Variants in ARHGAP10 observed in about 807,000 individuals in gnomAD.
ARHGAP10 encodes the protein Rho GTPase activating protein 10.
In ARHGAP10, 87 loss-of-function variants were observed where a neutral mutation model predicts 108.6. That is an observed-to-expected ratio of 0.80 (90% CI 0.67 to 0.96). The LOEUF (loss-of-function observed/expected upper bound fraction) is 0.96, where lower values mean the gene tolerates loss of function less well. Among genes scored for constraint, ARHGAP10 ranks in the 40% least tolerant of loss-of-function variants. The pLI is 0.00. For missense variants in ARHGAP10, 939 were observed against 954.5 expected, an observed-to-expected ratio of 0.98 and a Z score of 0.21; for synonymous variants, 347 against 341.1, an observed-to-expected ratio of 1.02 and a Z score of -0.19.
At chr4:147,965,577 T>C (rs564011696) in intron 17 of ARHGAP10, among the ~76,000 whole-genome samples, 1 of 152,342 alleles carries the variant, frequency 6.6e-6, no homozygotes, top group African/African-American at 2.4e-5. Flanking sequence ...AATTAGCCCT[T>C]TCTTTAAGTA....
intron 5 of ARHGAP10, among the ~76,000 whole-genome samples, chr4:147,859,273 C>CTT (rs34375248): frequency 8.1e-5 from 11 of 135,292 alleles, no homozygotes; most frequent in Non-Finnish European, 1.3e-4. Flanking sequence ...TTTCATATTC[C>CTT]TTTTTTTTTT....
At chr4:147,782,861 A>G (rs933558529) in intron 1 of ARHGAP10, among the ~76,000 whole-genome samples, 1 of 145,538 alleles carries the variant, frequency 6.9e-6, no homozygotes, top group Non-Finnish European at 1.5e-5. Context: ...TTTCATATAT[A>G]TATAAAAACA....
chr4:147,735,084 C>CT (rs1347673820), intron 1 of ARHGAP10, among the ~76,000 whole-genome samples: 1 of 152,078 alleles, frequency 6.6e-6, no homozygotes, highest in Non-Finnish European at 1.5e-5. Context: ...GTTTTGAGGC[C>CT]TATGCGACCT....
At chr4:148,000,211 A>G (rs1740649549) in intron 18 of ARHGAP10, among the ~76,000 whole-genome samples, 1 of 152,026 alleles carries the variant, frequency 6.6e-6, no homozygotes, top group South Asian at 2.1e-4. Flanking sequence ...GTTTGCTGAG[A>G]AGGATGGTTT....
chr4:147,921,397 T>A (rs749971483), intron 13 of ARHGAP10, among the ~76,000 whole-genome samples: 1 of 152,198 alleles, frequency 6.6e-6, no homozygotes, highest in Non-Finnish European at 1.5e-5. Flanking sequence ...TGGGTCTCTC[T>A]GCTTTAGACG....
At chr4:147,807,642 T>A (rs753779000) in intron 1 of ARHGAP10, among the ~76,000 whole-genome samples, 1 of 152,106 alleles carries the variant, frequency 6.6e-6, no homozygotes, top group Non-Finnish European at 1.5e-5. Flanking sequence ...AGGAAAATAT[T>A]TGAAACCAAA....
intron 15 of ARHGAP10, among the ~76,000 whole-genome samples, chr4:147,949,490 G>A (rs1738513027): frequency 6.6e-6 from 1 of 152,170 alleles, no homozygotes; most frequent in Non-Finnish European, 1.5e-5. Flanking sequence ...TTTCACCATT[G>A]CTGGTTTGCA....
At chr4:147,735,176 C>T (rs377162523) in intron 1 of ARHGAP10, among the ~76,000 whole-genome samples, 4 of 152,112 alleles carry the variant, frequency 2.6e-5, no homozygotes, top group African/African-American at 4.8e-5. Context: ...GAATTAGATA[C>T]GGATTTATAA....
chr4:147,846,357 G>A (rs79964283), intron 3 of ARHGAP10, among the ~76,000 whole-genome samples: 9,626 of 152,124 alleles, frequency 0.063, 969 homozygotes, highest in African/African-American at 0.21. Flanking sequence ...ATAGTGTTTC[G>A]AGATTTTCTT....
intron 10 of ARHGAP10, among the ~76,000 whole-genome samples, chr4:147,886,763 GTTTTCT>G (rs1196177927): frequency 2.6e-5 from 4 of 152,162 alleles, no homozygotes; most frequent in South Asian, 2.1e-4. Flanking sequence ...ATCATACTGT[GTTTTCT>G]TTTTCTTTTT....
chr4:147,936,317 C>T (rs1187235648), intron 13 of ARHGAP10, among the ~76,000 whole-genome samples: 4 of 97,852 alleles, frequency 4.1e-5, no homozygotes, highest in African/African-American at 4.1e-5. Context: ...CTTTTCCTCT[C>T]TTTTTTTTTT....
intron 8 of ARHGAP10, 29 bp downstream of exon 8, chr4:147,875,179 G>T (rs1388664639): frequency 6.5e-7 from 1 of 1,532,530 alleles, no homozygotes; most frequent in Admixed American, 2.4e-5. Context: ...GTGGCTGCGT[G>T]GCTGCTTAAA....
intron 13 of ARHGAP10, among the ~76,000 whole-genome samples, chr4:147,927,988 A>G (rs1218302937): frequency 6.6e-6 from 1 of 152,214 alleles, no homozygotes; most frequent in African/African-American, 2.4e-5. Flanking sequence ...TAGCTTGGGT[A>G]GAAAGAATAG....
intron 1 of ARHGAP10, among the ~76,000 whole-genome samples, chr4:147,743,890 G>A (rs558974586): frequency 4.6e-5 from 7 of 152,282 alleles, no homozygotes; most frequent in East Asian, 3.9e-4. Flanking sequence ...GAACCATAGT[G>A]AACTCTCTCT....
chr4:147,763,398 G>A (rs1579013452), intron 1 of ARHGAP10, among the ~76,000 whole-genome samples: 2 of 149,128 alleles, frequency 1.3e-5, no homozygotes, highest in South Asian at 2.2e-4. Context: ...TGCAACCTCC[G>A]CCTCCTGGGT....
At chr4:148,067,628 A>G (rs1729953405) in intron 22 of ARHGAP10, among the ~76,000 whole-genome samples, 1 of 152,264 alleles carries the variant, frequency 6.6e-6, no homozygotes, top group Non-Finnish European at 1.5e-5. Flanking sequence ...TCCAGCCTCC[A>G]TAGATGCTCT....
intron 1 of ARHGAP10, among the ~76,000 whole-genome samples, chr4:147,792,806 G>A (rs1342394635): frequency 6.6e-6 from 1 of 151,960 alleles, no homozygotes; most frequent in Non-Finnish European, 1.5e-5. Context: ...TTTCAGCTGA[G>A]CTTTCTCTGT....
chr4:147,961,860 G>A (rs1456613233), intron 16 of ARHGAP10, among the ~76,000 whole-genome samples: 2 of 151,962 alleles, frequency 1.3e-5, no homozygotes, highest in Non-Finnish European at 1.5e-5. Flanking sequence ...TGATGACATC[G>A]TACCTCCCTG....
intron 22 of ARHGAP10, among the ~76,000 whole-genome samples, chr4:148,068,316 G>A (rs1040168862): frequency 6.6e-6 from 1 of 152,164 alleles, no homozygotes; most frequent in South Asian, 2.1e-4. Context: ...ATGTGGGGGA[G>A]CAGGTGTGGC....
Sources: gnomAD v4.1 joint callset for allele counts (sites outside exome capture counted in the v4.1 genomes callset) on GRCh38, gnomAD v4.1.1 for gene constraint, MANE v1.5 for transcripts, NCBI Gene and HGNC (gene_info 2026-07-23, HGNC 2026-07-21) for gene names.